LAMB3: variants seen among roughly 807,000 people sequenced by gnomAD.
The protein encoded by LAMB3 is laminin subunit beta-3.
A neutral mutation model predicts 140.3 loss-of-function variants in LAMB3; 104 were observed. The observed-to-expected ratio is 0.74, with a 90% CI of 0.63 to 0.87. The LOEUF (loss-of-function observed/expected upper bound fraction) is 0.87, where lower values mean the gene tolerates loss of function less well. Among genes scored for constraint, LAMB3 ranks in the 40% least tolerant of loss-of-function variants. The pLI, the probability that LAMB3 is intolerant of heterozygous loss-of-function variation, is 0.00. For missense variants in LAMB3, 1,531 were observed against 1,575.2 expected (o/e 0.97, Z 0.47); for synonymous variants, 592 against 602.9 (o/e 0.98, Z 0.26).
Position 209,618,461 on chromosome 1 carries a change from T to C in LAMB3, c.2900A>G (p.Glu967Gly). ...ARARRLQAEAEEARSRAHAVE... is the reference protein window; with the variant it reads ...ARARRLQAEAGEARSRAHAVE... ...GGGCCCAAGGCCATACCTGGCTTCC[T>C]CAGCCTCAGCCTGCAACCGGCGGGC... The change falls in exon 19 of 23, where the codon GAG becomes GGG. Residue 967 changes from glutamate to glycine, a missense_variant. Physicochemically the swap from Glu to Gly is moderately conservative, Grantham distance 98. Transcript: ENST00000356082. 1 of 1,613,902 alleles carries C rather than the reference T, an allele frequency of 6.2e-7. No individual in the cohort carries two copies. Among genetic ancestry groups the C allele is most frequent in the Non-Finnish European group, 8.5e-7 (1 of 1,180,038 alleles).
Position 209,629,733 on chromosome 1 carries a change from T to G in LAMB3, c.1132+4A>C. ...CACTCTGGGACTCCGGAGCCTCTAC[T>G]CACAGATGCAGGTCTCCTGAATGGA... On this transcript the variant is annotated splice_donor_region_variant and intron_variant, in intron 10 of 22. Transcript: ENST00000356082. 2 of 1,614,018 alleles carry G rather than the reference T, an allele frequency of 1.2e-6. No homozygotes were observed. The highest frequency in any genetic ancestry group is 4.5e-5 in the East Asian group (2 of 44,888).
At chr1:209,625,321 G>T (rs190709771) in intron 14 of LAMB3, among the ~76,000 whole-genome samples, 2 of 152,244 alleles carry the variant, frequency 1.3e-5, no homozygotes, top group Admixed American at 6.5e-5. Context: ...CTCCGCCAGG[G>T]TGACTAATCC....
chr1:209,627,555 G>T lies in LAMB3; in HGVS notation c.1313C>A (p.Ser438Tyr). Residue 438 changes from serine to tyrosine, a missense_variant, in exon 12 of 23, where the codon TCC becomes TAC. Physicochemically the swap from Ser to Tyr is moderately radical, Grantham distance 144 (BLOSUM62 -2). Coordinates refer to ENST00000356082, the MANE Select transcript of LAMB3 (RefSeq NM_000228.3). ...CTCGTCACACGGCATGTCCCTCCGG[G>T]ACCCCAGGATGTTGCAGTCACAGCC... ...CHRCDCNILGSRRDMPCDEES... is the reference protein window; with the variant it reads ...CHRCDCNILGYRRDMPCDEES... 6.2e-7 allele frequency: 1 copy of T among 1,614,056 alleles called. No individual in the cohort carries two copies. The highest frequency in any genetic ancestry group is 8.5e-7 in the Non-Finnish European group (1 of 1,180,024).
intron 3 of LAMB3, among the ~76,000 whole-genome samples, chr1:209,648,846 C>T (rs2076539949): frequency 6.6e-6 from 1 of 151,376 alleles, no homozygotes; most frequent in Non-Finnish European, 1.5e-5. Context: ...CACTCTGTTG[C>T]CTAAAAAAAA....
intron 22 of LAMB3, 77 bp downstream of exon 22, chr1:209,616,394 G>T (rs926406007): frequency 1.3e-6 from 2 of 1,539,780 alleles, no homozygotes; most frequent in Admixed American, 3.3e-5. Flanking sequence ...ATAAGAACGG[G>T]CTTCAGAAGC....
intron 3 of LAMB3, among the ~76,000 whole-genome samples, chr1:209,639,645 ACACG>A (rs2076447231): frequency 6.7e-6 from 1 of 149,028 alleles, no homozygotes; most frequent in African/African-American, 2.5e-5. Context: ...ACACACACGC[ACACG>A]CGTGCACATG....
At position 209,630,674 on chromosome 1, in the gene LAMB3, G is replaced by T; in HGVS notation, c.884C>A (p.Pro295His). The T allele has an allele frequency of 6.2e-7, 1 of 1,614,026 alleles. No individual in the cohort carries two copies. Among genetic ancestry groups the T allele is most frequent in the Non-Finnish European group, 8.5e-7 (1 of 1,180,004 alleles). The change falls in exon 9 of 23, where the codon CCC becomes CAC. Residue 295 changes from proline (P) to histidine (H), a missense_variant. Pro to His is a moderately conservative substitution (Grantham distance 77, BLOSUM62 -2). Transcript: ENST00000356082. ...TCTCCAGGGCCGGTTGTTGTAGAAG[G>T]GTGCACAGCGCTCACAATTTGGGCC... ...TAGPNCERCA[P>H]FYNNRPWRPA...
intron 5 of LAMB3, among the ~76,000 whole-genome samples, chr1:209,637,325 T>C (rs1407067120): frequency 6.6e-6 from 1 of 152,218 alleles, no homozygotes; most frequent in Admixed American, 6.5e-5. Flanking sequence ...TATCTGACTA[T>C]TTCTGTAGAA....
In LAMB3 at chr1:209,629,718, C is replaced by T. The variant is rs1666602860; in HGVS notation, c.1132+19G>A. 1.2e-6 allele frequency: 2 copies of T among 1,612,746 alleles called. No homozygotes were observed. Among genetic ancestry groups the T allele is most frequent in the Non-Finnish European group, 1.7e-6 (2 of 1,178,866 alleles). ...GTAACAGACAAATGACACTCTGGGACTCCGGAGCCTCTACTCACAGATGCA... is the reference window on the plus strand; with the variant it reads ...GTAACAGACAAATGACACTCTGGGATTCCGGAGCCTCTACTCACAGATGCA... On this transcript the variant is annotated intron_variant, in intron 10 of 22. Coordinates refer to ENST00000356082, the MANE Select transcript of LAMB3 (RefSeq NM_000228.3).
At chr1:209,622,327 G>T (rs897928167) in intron 18 of LAMB3, among the ~76,000 whole-genome samples, 2 of 152,226 alleles carry the variant, frequency 1.3e-5, no homozygotes, top group African/African-American at 4.8e-5. Context: ...GTTGTGTTGA[G>T]AATGAGAATG....
At position 209,626,906 on chromosome 1, in the gene LAMB3, G is replaced by T; in HGVS notation, c.1558C>A (p.Pro520Thr). The T allele has an allele frequency of 6.2e-7, 1 of 1,613,896 alleles. No individual in the cohort carries two copies. The highest frequency in any genetic ancestry group is 2.2e-5 in the East Asian group (1 of 44,878). Residue 520 changes from proline to threonine, a missense_variant, in exon 13 of 23, where the codon CCA becomes ACA. By Grantham distance (38) the Pro-to-Thr change is conservative (BLOSUM62 -1). Transcript: ENST00000356082. ...GCCACGTCTCCATAGGTCCGGTCTGGACACTGGCGGATGGCTGCAGCGCTG... is the reference window on the plus strand; with the variant it reads ...GCCACGTCTCCATAGGTCCGGTCTGTACACTGGCGGATGGCTGCAGCGCTG... ...MCSAAAIRQCPDRTYGDVATG... is the reference protein window; with the variant it reads ...MCSAAAIRQCTDRTYGDVATG...
At chr1:209,645,672 T>C (rs985749313) in intron 3 of LAMB3, among the ~76,000 whole-genome samples, 16 of 148,220 alleles carry the variant, frequency 1.1e-4, no homozygotes, top group Non-Finnish European at 2.1e-4. Context: ...GCCGAGATCA[T>C]GCCACTGTAC....
At chr1:209,645,722 G>GA (rs36106096) in intron 3 of LAMB3, among the ~76,000 whole-genome samples, 38,328 of 137,184 alleles carry the variant, frequency 0.28, 5,382 homozygotes, top group Admixed American at 0.39. Context: ...TGTCCCAGGG[G>GA]AAAAAAAAAA....
At position 209,632,930 on chromosome 1, in the gene LAMB3, TG is replaced by T. The variant is rs141985859; in HGVS notation, c.628+139del. ...TAGCATCCCACAGACAATATCCCTATGGGGCAAGCAGGGCAAGTATCAAATC... is the reference window on the plus strand; with the variant it reads ...TAGCATCCCACAGACAATATCCCTATGGGCAAGCAGGGCAAGTATCAAATC... On this transcript the variant is annotated intron_variant, in intron 7 of 22. Transcript: ENST00000356082. 1,262 of 1,035,068 alleles carry T rather than the reference TG, an allele frequency of 1.2e-3. 5 individuals are homozygous for T. The African/African-American group carries it at 0.016, about 13-fold the overall frequency. 64.1% of individuals were successfully genotyped at this position (1,035,068 alleles called of 1,614,324 possible). A position where few individuals can be genotyped will look rare whatever the true frequency, so the allele number is the denominator to read the frequency against.
chr1:209,616,651 T>C, intron 21 of LAMB3, 27 bp from the exon 22 acceptor site: 1 of 1,611,858 alleles, frequency 6.2e-7, no homozygotes, highest in Non-Finnish European at 8.5e-7. Context: ...AGTCTCAGTG[T>C]CATTGTCATC....
intron 10 of LAMB3, 89 bp downstream of exon 10, chr1:209,629,648 T>G: frequency 1.6e-6 from 2 of 1,286,004 alleles, no homozygotes; most frequent in Non-Finnish European, 2.3e-6. Context: ...AGGGCCTTGG[T>G]GTGCCCAGGA....
intron 19 of LAMB3, 128 bp from the exon 20 acceptor site, chr1:209,618,176 T>A: frequency 8.2e-7 from 1 of 1,215,236 alleles, no homozygotes; most frequent in African/African-American, 1.5e-5. Context: ...AGGAAAGTAT[T>A]AACTCAGTAG....
intron 5 of LAMB3, 69 bp downstream of exon 5, chr1:209,637,839 C>T: frequency 2.4e-6 from 3 of 1,251,348 alleles, no homozygotes; most frequent in Non-Finnish European, 3.5e-6. Context: ...CACTGTGCTC[C>T]TCCATGGCTC....
intron 21 of LAMB3, 35 bp downstream of exon 21, chr1:209,617,375 C>A: frequency 6.2e-7 from 1 of 1,604,950 alleles, no homozygotes; most frequent in Non-Finnish European, 8.5e-7. Context: ...CCTCACTGGC[C>A]GTACATCATT....
Sources: allele counts gnomAD v4.1 joint callset (sites outside exome capture counted in the v4.1 genomes callset), GRCh38; gene constraint gnomAD v4.1.1; transcripts MANE v1.5; gene names NCBI Gene and HGNC (gene_info 2026-07-23, HGNC 2026-07-21).